MYZAP: variants seen among roughly 807,000 people sequenced by gnomAD.
MYZAP encodes myocardial zonula adherens protein.
Under a neutral mutation model 69.4 loss-of-function variants are expected in MYZAP, and 66 were observed. That is an observed-to-expected ratio of 0.95 (90% CI 0.78 to 1.17). The LOEUF is 1.17. Among genes scored for constraint, MYZAP ranks in the 50% most tolerant of loss-of-function variants. MYZAP has a pLI of 0.00. For synonymous variants in MYZAP, 256 were observed against 205.9 expected, an observed-to-expected ratio of 1.24 and a Z score of -2.09; for missense variants, 611 against 556.2, an observed-to-expected ratio of 1.10 and a Z score of -0.99.
Position 57,591,951 on chromosome 15 carries a change from G to A in MYZAP, c.-84G>A, listed in dbSNP as rs1201947666. 4.2e-6 allele frequency: 5 copies of A among 1,195,986 alleles called. No homozygotes were observed. The African/African-American group carries it at 8.0e-5, about 19-fold the overall frequency. The allele number at this position is 1,195,986 out of a possible 1,614,324, so 74.1% of individuals were successfully genotyped here. A position where few individuals can be genotyped will look rare whatever the true frequency, so the allele number is the denominator to read the frequency against. ...CAAGTAGCCGGCGCCGTCCCGCGTC[G>A]CCCCCGCGCAGGGCGGGCCCCGCAC... On this transcript the variant is annotated 5_prime_UTR_variant, in exon 1 of 13. Transcript: ENST00000267853.
At chr15:57,633,963 T>A (rs1186644104) in intron 8 of MYZAP, among the ~76,000 whole-genome samples, 1 of 152,226 alleles carries the variant, frequency 6.6e-6, no homozygotes, top group Non-Finnish European at 1.5e-5. Flanking sequence ...ACTTGTGAAA[T>A]TCTTTAGAAA....
intron 4 of MYZAP, 131 bp from the exon 5 acceptor site, chr15:57,625,648 A>T: frequency 1.2e-6 from 1 of 804,032 alleles, no homozygotes; most frequent in Non-Finnish European, 2.0e-6. Context: ...GTTGACTTTT[A>T]ATTTAAAGCT....
At chr15:57,615,762 T>G (rs2035396501) in intron 2 of MYZAP, among the ~76,000 whole-genome samples, 1 of 152,150 alleles carries the variant, frequency 6.6e-6, no homozygotes, top group Non-Finnish European at 1.5e-5. Flanking sequence ...TACCCAAACT[T>G]AAGCACAAAT....
intron 10 of MYZAP, among the ~76,000 whole-genome samples, chr15:57,648,801 T>A (rs537179348): frequency 2.6e-4 from 37 of 144,404 alleles, no homozygotes; most frequent in African/African-American, 9.0e-4. Context: ...TTTTTTTTTT[T>A]AAAGAAAAGA....
chr15:57,593,190 A>ATGCGCGCGCGCGTGCGCGCGCG (rs376306761), intron 1 of MYZAP, among the ~76,000 whole-genome samples: 1 of 108,256 alleles, frequency 9.2e-6, no homozygotes, highest in Non-Finnish European at 1.9e-5. Flanking sequence ...ACACAGGCGC[A>ATGCGCGCGCGCGTGCGCGCGCG]CACACACACA....
chr15:57,667,019 C>T (rs1341653798), intron 11 of MYZAP, among the ~76,000 whole-genome samples: 2 of 152,088 alleles, frequency 1.3e-5, no homozygotes, highest in African/African-American at 4.8e-5. Context: ...GAACAGATTT[C>T]GTTACACTTT....
intron 11 of MYZAP, among the ~76,000 whole-genome samples, chr15:57,666,984 A>T (rs547763960): frequency 6.6e-6 from 1 of 152,270 alleles, no homozygotes; most frequent in East Asian, 1.9e-4. Flanking sequence ...GCAAGCATTT[A>T]TCTTCATAAG....
At chr15:57,625,338 T>C (rs781731576) in intron 4 of MYZAP, among the ~76,000 whole-genome samples, 9 of 152,178 alleles carry the variant, frequency 5.9e-5, no homozygotes, top group Non-Finnish European at 8.8e-5. Context: ...CCTCCCACAG[T>C]GCTGGGATTA....
intron 10 of MYZAP, among the ~76,000 whole-genome samples, chr15:57,643,761 A>C (rs1349110019): frequency 6.9e-6 from 1 of 145,618 alleles, no homozygotes; most frequent in Non-Finnish European, 1.5e-5. Context: ...TTTTTAAGCT[A>C]TATCCCAGTG....
intron 11 of MYZAP, among the ~76,000 whole-genome samples, chr15:57,665,200 C>G (rs1426116989): frequency 6.6e-6 from 1 of 152,234 alleles, no homozygotes. Context: ...AAGCCAGGTC[C>G]TACTAGCAGG....
intron 10 of MYZAP, among the ~76,000 whole-genome samples, chr15:57,655,421 C>T (rs749470560): frequency 1.3e-5 from 2 of 152,166 alleles, no homozygotes; most frequent in South Asian, 2.1e-4. Context: ...CTAGTGAGTT[C>T]GAACATTAAA....
chr15:57,647,911 C>T (rs893639849), intron 10 of MYZAP: 11 of 985,208 alleles, frequency 1.1e-5, no homozygotes, highest in African/African-American at 7.0e-5. Context: ...CTTGTGAAAC[C>T]TGAGTCATGT....
chr15:57,662,505 G>T (rs2038362382), intron 11 of MYZAP, among the ~76,000 whole-genome samples: 1 of 152,174 alleles, frequency 6.6e-6, no homozygotes, highest in African/African-American at 2.4e-5. Flanking sequence ...CTTCTTATCA[G>T]CTGGGTGATG....
intron 10 of MYZAP, among the ~76,000 whole-genome samples, chr15:57,649,362 C>T (rs2037613503): frequency 6.6e-6 from 1 of 152,180 alleles, no homozygotes; most frequent in South Asian, 2.1e-4. Context: ...CACCACTTGG[C>T]ACTGTGTGGA....
Position 57,648,186 on chromosome 15 carries a change from G to A in MYZAP, c.1119+8641G>A, listed in dbSNP as rs186001975. On this transcript the variant is annotated intron_variant, in intron 10 of 12. Transcript: ENST00000267853. ...TTTTAGAAGGTATCAGCACAATTGT[G>A]GCAGCCTTTTTTCTGTATGTGTTAT... 2.2e-5 allele frequency: 22 copies of A among 985,154 alleles called. No homozygotes were observed. In the Admixed American group the frequency reaches 1.2e-3, roughly 52 times the overall value. 61.0% of individuals were successfully genotyped at this position (985,154 alleles called of 1,614,324 possible).
At chr15:57,661,349 T>C in intron 10 of MYZAP, 101 bp from the exon 11 acceptor site, 1 of 899,316 alleles carries the variant, frequency 1.1e-6, no homozygotes, top group Non-Finnish European at 1.7e-6. Context: ...GAAATAGAAA[T>C]AAAAATAAAT....
intron 10 of MYZAP, among the ~76,000 whole-genome samples, chr15:57,652,813 T>C (rs1162922027): frequency 6.6e-6 from 1 of 152,158 alleles, no homozygotes; most frequent in Non-Finnish European, 1.5e-5. Context: ...AAAACAATAA[T>C]GGGGATCTTC....
intron 2 of MYZAP, among the ~76,000 whole-genome samples, chr15:57,613,794 C>T (rs1413832627): frequency 1.3e-5 from 2 of 152,188 alleles, no homozygotes; most frequent in Admixed American, 1.3e-4. Context: ...CCAATCCTGC[C>T]TCATCTACAT....
At chr15:57,636,500 T>C (rs1449730315) in intron 8 of MYZAP, among the ~76,000 whole-genome samples, 1 of 152,210 alleles carries the variant, frequency 6.6e-6, no homozygotes, top group Non-Finnish European at 1.5e-5. Flanking sequence ...AGGTTTGGAA[T>C]CTATGTAGCT....
Sources: allele counts gnomAD v4.1 joint callset (sites outside exome capture counted in the v4.1 genomes callset), GRCh38; gene constraint gnomAD v4.1.1; transcripts MANE v1.5; gene names NCBI Gene and HGNC (gene_info 2026-07-23, HGNC 2026-07-21).